Variants in TMEM117 observed in about 807,000 individuals in gnomAD.
The protein encoded by TMEM117 is transmembrane protein 117.
Under a neutral mutation model 52.4 loss-of-function variants are expected in TMEM117, and 27 were observed. The ratio of observed to expected loss-of-function variants is 0.51; its 90% CI spans 0.38 to 0.71. TMEM117 has a LOEUF of 0.71. TMEM117 is among the 30% of genes least tolerant of loss of function. The pLI is 0.00. For missense variants in TMEM117, 556 were observed against 630.5 expected (o/e 0.88, Z 1.26); for synonymous variants, 215 against 206.3 (o/e 1.04, Z -0.36).
chr12:44,281,661 T>C (rs567505950), intron 5 of TMEM117, among the ~76,000 whole-genome samples: 2 of 152,326 alleles, frequency 1.3e-5, no homozygotes, highest in South Asian at 2.1e-4. Context: ...AGGTAAAAGA[T>C]GCAACTTGAT....
chr12:43,905,821 T>C (rs1362664773), intron 2 of TMEM117, among the ~76,000 whole-genome samples: 2 of 152,218 alleles, frequency 1.3e-5, no homozygotes, highest in African/African-American at 4.8e-5. Context: ...CTCCGTGTTG[T>C]GATCCTGTGC....
At chr12:44,094,241 T>C (rs1327603305) in intron 3 of TMEM117, among the ~76,000 whole-genome samples, 1 of 152,152 alleles carries the variant, frequency 6.6e-6, no homozygotes. Context: ...ATATAGATCA[T>C]AGTAAGTCAT....
rs992302975 is a variant in TMEM117 at position 44,104,916 on chromosome 12, T to C, written c.411-38609T>C. On this transcript the variant is annotated intron_variant, in intron 3 of 7. Transcript: ENST00000266534. ...GTTCTTTCAAGATTTTTAAAAAATA[T>C]ATTTTCTATAGTTTGAATATGATAT... is the stretch of plus-strand genomic sequence containing the variant. Among the ~76,000 whole-genome samples, 6 of 151,948 alleles carry C rather than the reference T, an allele frequency of 3.9e-5. 1 individual carries two copies. The highest frequency in any genetic ancestry group is 8.8e-5 in the Non-Finnish European group (6 of 67,934).
At chr12:44,391,314 A>G (rs1952160703), downstream of TMEM117, among the ~76,000 whole-genome samples, 1 of 152,150 alleles carries the variant, frequency 6.6e-6, no homozygotes, top group South Asian at 2.1e-4. Context: ...TGTATTGTAT[A>G]ATCATAATTA....
At chr12:44,239,290 T>C (rs1383948224) in intron 5 of TMEM117, among the ~76,000 whole-genome samples, 1 of 152,130 alleles carries the variant, frequency 6.6e-6, no homozygotes, top group East Asian at 1.9e-4. Flanking sequence ...GGCAACTTAT[T>C]AGTTCTCCCA....
intron 6 of TMEM117, among the ~76,000 whole-genome samples, chr12:44,335,966 G>A (rs1186734667): frequency 6.6e-6 from 1 of 151,974 alleles, no homozygotes; most frequent in Non-Finnish European, 1.5e-5. Flanking sequence ...TGCAAAGATG[G>A]GTTTTTCTGT....
chr12:44,383,857 T>C (rs1355444852), intron 7 of TMEM117, among the ~76,000 whole-genome samples: 1 of 152,170 alleles, frequency 6.6e-6, no homozygotes. Context: ...CAATTTTTTT[T>C]CAGAAAACCT....
chr12:44,179,648 C>T (rs942248552), intron 4 of TMEM117, among the ~76,000 whole-genome samples: 4 of 152,184 alleles, frequency 2.6e-5, no homozygotes, highest in South Asian at 4.1e-4. Context: ...GGTCTTTCTT[C>T]CTAGAACACT....
At chr12:44,333,397 T>C (rs1208868960) in intron 6 of TMEM117, among the ~76,000 whole-genome samples, 1 of 151,992 alleles carries the variant, frequency 6.6e-6, no homozygotes, top group East Asian at 1.9e-4. Flanking sequence ...ATTGATATGG[T>C]TTGGCTGTGT....
intron 6 of TMEM117, among the ~76,000 whole-genome samples, chr12:44,374,098 A>G (rs926062555): frequency 6.6e-6 from 1 of 152,064 alleles, no homozygotes; most frequent in Non-Finnish European, 1.5e-5. Context: ...TCCATTTTCT[A>G]TTAAATGAGC....
At chr12:43,811,634 T>C in the TMEM117 span, among the ~76,000 whole-genome samples, 1 of 152,260 alleles carries the variant, frequency 6.6e-6, no homozygotes, top group South Asian at 2.1e-4. Flanking sequence ...GAGTGAAATC[T>C]TTCATAGCAG....
At chr12:44,360,222 G>A (rs1416510347) in intron 6 of TMEM117, among the ~76,000 whole-genome samples, 3 of 152,074 alleles carry the variant, frequency 2.0e-5, no homozygotes, top group Non-Finnish European at 4.4e-5. Flanking sequence ...AATGACATGT[G>A]TGTATTACTG....
intron 4 of TMEM117, among the ~76,000 whole-genome samples, chr12:44,171,039 G>A (rs1306908278): frequency 4.4e-5 from 6 of 137,680 alleles, no homozygotes; most frequent in South Asian, 4.5e-4. Flanking sequence ...TTTTTGAGAC[G>A]GAGTCTCGCT....
At chr12:43,948,700 C>CT (rs531432568) in intron 3 of TMEM117, among the ~76,000 whole-genome samples, 10 of 151,372 alleles carry the variant, frequency 6.6e-5, no homozygotes, top group South Asian at 2.1e-4. Context: ...TGAGTAACTT[C>CT]TTTTTTTTTA....
chr12:44,087,325 C>G (rs1199213448), intron 3 of TMEM117, among the ~76,000 whole-genome samples: 1 of 152,016 alleles, frequency 6.6e-6, no homozygotes, highest in Non-Finnish European at 1.5e-5. Flanking sequence ...TTGGATTTTT[C>G]TTGTGTGTGC....
chr12:44,130,686 A>G (rs1184102481), intron 3 of TMEM117, among the ~76,000 whole-genome samples: 1 of 152,108 alleles, frequency 6.6e-6, no homozygotes, highest in Non-Finnish European at 1.5e-5. Flanking sequence ...GTTTCTAAAT[A>G]TAGATAGAAT....
intron 3 of TMEM117, among the ~76,000 whole-genome samples, chr12:44,048,504 T>G (rs984284452): frequency 1.3e-5 from 2 of 152,252 alleles, no homozygotes; most frequent in African/African-American, 2.4e-5. Context: ...TCCTATATAC[T>G]TTAATAACAG....
At chr12:44,349,674 C>T (rs1951535683) in intron 6 of TMEM117, among the ~76,000 whole-genome samples, 1 of 152,004 alleles carries the variant, frequency 6.6e-6, no homozygotes, top group South Asian at 2.1e-4. Flanking sequence ...TCCTTCTTTC[C>T]CTGAGGGCTT....
At chr12:44,048,008 A>G (rs1464217275) in intron 3 of TMEM117, among the ~76,000 whole-genome samples, 1 of 152,166 alleles carries the variant, frequency 6.6e-6, no homozygotes, top group African/African-American at 2.4e-5. Flanking sequence ...TGGGCCTGAA[A>G]TATTTTGGGA....
Sources: allele counts gnomAD v4.1 joint callset (sites outside exome capture counted in the v4.1 genomes callset), GRCh38; gene constraint gnomAD v4.1.1; transcripts MANE v1.5; gene names NCBI Gene and HGNC (gene_info 2026-07-23, HGNC 2026-07-21).